ROBO1: variants seen among roughly 807,000 people sequenced by gnomAD.
ROBO1 encodes the protein roundabout homolog 1.
A neutral mutation model predicts 195.9 loss-of-function variants in ROBO1; 149 were observed. That is an observed-to-expected ratio of 0.76 (90% CI 0.67 to 0.87). The LOEUF is 0.87. Ranked by LOEUF, ROBO1 falls within the 40% of genes least tolerant of loss-of-function variation. ROBO1 has a pLI of 0.00. For synonymous variants in ROBO1, 816 were observed against 733.2 expected, an observed-to-expected ratio of 1.11 and a Z score of -1.82; for missense variants, 1,933 against 2,068.3, an observed-to-expected ratio of 0.93 and a Z score of 1.27.
At chr3:78,756,975 T>G (rs1436155464) in intron 4 of ROBO1, among the ~76,000 whole-genome samples, 1 of 152,162 alleles carries the variant, frequency 6.6e-6, no homozygotes, top group Non-Finnish European at 1.5e-5. Flanking sequence ...CACTGCAACC[T>G]CCGCCTTCTG....
chr3:79,464,057 A>G (rs1937809604), intron 2 of ROBO1, among the ~76,000 whole-genome samples: 1 of 152,180 alleles, frequency 6.6e-6, no homozygotes, highest in Non-Finnish European at 1.5e-5. Flanking sequence ...GAGTTGCTTC[A>G]TTCACTTAAT....
chr3:79,478,688 C>G (rs1938670403), intron 2 of ROBO1, among the ~76,000 whole-genome samples: 1 of 152,152 alleles, frequency 6.6e-6, no homozygotes, highest in Admixed American at 6.6e-5. Context: ...CAAATCATTT[C>G]CAGTGTTACC....
At chr3:79,384,839 T>C (rs1200214694) in intron 2 of ROBO1, among the ~76,000 whole-genome samples, 1 of 152,012 alleles carries the variant, frequency 6.6e-6, no homozygotes, top group Non-Finnish European at 1.5e-5. Context: ...GAATACTTTA[T>C]CTCAAAACAT....
chr3:79,158,491 T>A (rs554036568), intron 2 of ROBO1, among the ~76,000 whole-genome samples: 7 of 151,798 alleles, frequency 4.6e-5, no homozygotes, highest in East Asian at 1.9e-4. Flanking sequence ...TTCTTTTTTT[T>A]AAATTTGTTT....
rs79732311 is a variant in ROBO1 at position 79,592,942 on chromosome 3, C to T, written c.-50-2981G>A. 4.2e-3 allele frequency among the ~76,000 whole-genome samples: 638 copies of T among 152,168 alleles called. 3 individuals are homozygous for T. The highest frequency in any genetic ancestry group is 7.9e-3 in the Non-Finnish European group (539 of 67,974). On this transcript the variant is annotated intron_variant, in intron 1 of 30. Coordinates refer to ENST00000464233, the MANE Select transcript of ROBO1 (RefSeq NM_002941.4). ...TAGAAACTGCTGATCTGTTTGTTAT[C>T]TCCATAGTTCTGCCTTTCTTGGAAT...
intron 3 of ROBO1, among the ~76,000 whole-genome samples, chr3:79,096,285 G>A (rs62259667): frequency 0.13 from 19,291 of 151,834 alleles, 1,374 homozygotes; most frequent in East Asian, 0.16. Flanking sequence ...GTAGGCATAT[G>A]GTCTTAGATT....
At chr3:78,898,369 A>G (rs1175562222) in intron 4 of ROBO1, among the ~76,000 whole-genome samples, 2 of 146,848 alleles carry the variant, frequency 1.4e-5, no homozygotes, top group East Asian at 4.0e-4. Flanking sequence ...ACAGATAGAT[A>G]GATAGATAGG....
rs1439796254 is a variant in ROBO1 at position 78,670,212 on chromosome 3, C to G, written c.1432G>C (p.Ala478Pro). The G allele has an allele frequency of 3.1e-6, 5 of 1,609,516 alleles. No homozygotes were observed. Among genetic ancestry groups the G allele is most frequent in the Non-Finnish European group, 4.2e-6 (5 of 1,177,904 alleles). ...ATGGTGGGCACTGGACTGCCTGTGG[C>G]CACACAGCTGAGGACGAAAGTGCCA... ...VDGTFVLSCV[A>P]TGSPVPTILW... The change falls in exon 11 of 31, where the codon GCC becomes CCC. Residue 478 changes from alanine to proline, a missense_variant. Transcript: ENST00000464233.
chr3:79,564,162 GTA>G (rs1943017259), intron 2 of ROBO1, among the ~76,000 whole-genome samples: 1 of 151,188 alleles, frequency 6.6e-6, no homozygotes. Context: ...CAAAAAAAAA[GTA>G]AAATTGAAGA....
chr3:79,108,419 C>T (rs2079824506), intron 3 of ROBO1, among the ~76,000 whole-genome samples: 1 of 151,692 alleles, frequency 6.6e-6, no homozygotes, highest in Non-Finnish European at 1.5e-5. Flanking sequence ...TTAGCACATT[C>T]ATACCAGTAC....
chr3:78,887,190 A>G (rs2036617580), intron 4 of ROBO1, among the ~76,000 whole-genome samples: 1 of 152,206 alleles, frequency 6.6e-6, no homozygotes, highest in South Asian at 2.1e-4. Context: ...CATGAGAAAC[A>G]TACAATGTGG....
chr3:79,502,080 G>A (rs1940102171), intron 2 of ROBO1, among the ~76,000 whole-genome samples: 1 of 152,320 alleles, frequency 6.6e-6, no homozygotes, highest in Middle Eastern at 3.4e-3. Context: ...CAAAGTGAGA[G>A]GTGACAGCAT....
chr3:79,338,376 C>T (rs990698749), intron 2 of ROBO1, among the ~76,000 whole-genome samples: 2 of 152,078 alleles, frequency 1.3e-5, no homozygotes, highest in Non-Finnish European at 2.9e-5. Context: ...CTTGTAAGTG[C>T]CTATTTGCCC....
At chr3:79,261,653 G>T (rs2082940414) in intron 2 of ROBO1, among the ~76,000 whole-genome samples, 1 of 151,954 alleles carries the variant, frequency 6.6e-6, no homozygotes, top group Non-Finnish European at 1.5e-5. Context: ...TCTGATGTAA[G>T]TTGCTTATAT....
intron 2 of ROBO1, among the ~76,000 whole-genome samples, chr3:79,523,472 CTTTT>C (rs11357932): frequency 1.0e-5 from 1 of 100,436 alleles, no homozygotes; most frequent in African/African-American, 4.5e-5. Context: ...TTTTTTTTTT[CTTTT>C]TTTTTTTTTT....
At position 79,735,370 on chromosome 3, in the gene ROBO1, C is replaced by T. The variant is rs375518469; in HGVS notation, c.-51+32382G>A. Among the ~76,000 whole-genome samples the T allele has an allele frequency of 4.3e-4, 66 of 152,256 alleles. 2 individuals are homozygous for T. The East Asian group carries it at 8.5e-3, about 20-fold the overall frequency. ...TTCCATGTTACAATGCAAGCTGACT[C>T]TTATTGAAATAGATGGCTGGGAGGC... is the stretch of plus-strand genomic sequence containing the variant. On this transcript the variant is annotated intron_variant, in intron 1 of 30. Coordinates refer to ENST00000464233, the MANE Select transcript of ROBO1 (RefSeq NM_002941.4).
At chr3:78,795,326 T>TA (rs2084151407) in intron 4 of ROBO1, among the ~76,000 whole-genome samples, 1 of 152,186 alleles carries the variant, frequency 6.6e-6, no homozygotes, top group Non-Finnish European at 1.5e-5. Flanking sequence ...TCTTGCTTAA[T>TA]ACAATCTCAA....
At position 78,946,141 on chromosome 3, in the gene ROBO1, G is replaced by T. The variant is rs551333331; in HGVS notation, c.173-7214C>A. Among the ~76,000 whole-genome samples the T allele has an allele frequency of 3.7e-4, 56 of 152,210 alleles. 1 individual carries two copies. In the South Asian group the frequency reaches 0.011, roughly 30 times the overall value. The stretch of plus-strand genomic sequence containing the variant: ...GGACTTCCCCAATCTAGCAAGGCAG[G>T]CCAACATTCAAATTCAGGAAATACA... On this transcript the variant is annotated intron_variant, in intron 3 of 30. Transcript: ENST00000464233.
At position 79,739,473 on chromosome 3, in the gene ROBO1, G is replaced by A. The variant is rs186309598; in HGVS notation, c.-51+28279C>T. Among the ~76,000 whole-genome samples, 552 of 152,262 alleles carry A rather than the reference G, an allele frequency of 3.6e-3. 3 individuals carry two copies. The highest frequency in any genetic ancestry group is 6.0e-3 in the Non-Finnish European group (410 of 68,032). ...GTTTAACTCCTTAAGGGGAGTGCAA[G>A]TTTGGGGAACTCAAAGCAATTATAA... On this transcript the variant is annotated intron_variant, in intron 1 of 30. Coordinates refer to ENST00000464233, the MANE Select transcript of ROBO1 (RefSeq NM_002941.4).
Sources: gnomAD v4.1 joint callset for allele counts (sites outside exome capture counted in the v4.1 genomes callset) on GRCh38, gnomAD v4.1.1 for gene constraint, MANE v1.5 for transcripts, NCBI Gene and HGNC (gene_info 2026-07-23, HGNC 2026-07-21) for gene names.